Variants in ABHD8 observed in about 807,000 individuals in gnomAD.
ABHD8 encodes protein ABHD8.
In ABHD8, 10 loss-of-function variants were observed where a neutral mutation model predicts 29.3. The ratio of observed to expected loss-of-function variants is 0.34; its 90% CI spans 0.21 to 0.58. ABHD8 has a LOEUF of 0.58. Among genes scored for constraint, ABHD8 ranks in the 20% least tolerant of loss-of-function variants. The probability of loss-of-function intolerance (pLI) is 0.85; values close to 1 mark genes in which losing one functional copy is unlikely to be tolerated. For synonymous variants in ABHD8, 282 were observed against 274.6 expected (o/e 1.03, Z -0.27); for missense variants, 556 against 615.3 (o/e 0.90, Z 1.02).
At chr19:17,298,459 C>T (rs2074102763) in intron 2 of ABHD8, 1 of 152,098 alleles carries the variant, frequency 6.6e-6, no homozygotes, top group Admixed American at 6.6e-5. Flanking sequence ...CTAGAATTTA[C>T]AGGATTCCGA....
chr19:17,300,689 A>T (rs1202581563), intron 2 of ABHD8, among the ~76,000 whole-genome samples, 167 bp downstream of exon 2: 1 of 152,066 alleles, frequency 6.6e-6, no homozygotes. Context: ...CCTTGGCCAG[A>T]CTGTTCCCGA....
chr19:17,295,090 A>ATTTTTTTTT lies in ABHD8; in HGVS notation c.762-254_762-246dup, dbSNP rs779607230. 7.2e-4 allele frequency among the ~76,000 whole-genome samples: 58 copies of ATTTTTTTTT among 80,416 alleles called. 7 individuals are homozygous for ATTTTTTTTT. The highest frequency in any genetic ancestry group is 2.8e-3 in the African/African-American group (56 of 20,340). 52.8% of individuals were successfully genotyped at this position (80,416 alleles called of 152,430 possible). On this transcript the variant is annotated intron_variant, in intron 2 of 4. Coordinates refer to ENST00000247706, the MANE Select transcript of ABHD8 (RefSeq NM_024527.5). ...AGGCGCACACCACCACACCCAGGTA[A>ATTTTTTTTT]TTTTTTTTTTTTTTTTTTTTTTTTT...
intron 4 of ABHD8, among the ~76,000 whole-genome samples, chr19:17,293,263 T>A (rs55924783): frequency 0.25 from 37,505 of 151,462 alleles, 4,994 homozygotes; most frequent in Non-Finnish European, 0.3. Context: ...ACCCGGCTAA[T>A]TTTTTGTATT....
chr19:17,294,964 C>T (rs552667250), intron 2 of ABHD8, 119 bp from the exon 3 acceptor site: 1 of 1,283,716 alleles, frequency 7.8e-7, no homozygotes, highest in Non-Finnish European at 1.1e-6. Flanking sequence ...TACTCTGTCC[C>T]CCAGGCTGGA....
chr19:17,294,805 G>C lies in ABHD8; in HGVS notation c.802C>G (p.Leu268Val). The C allele has an allele frequency of 6.2e-7, 1 of 1,614,206 alleles. No individual in the cohort carries two copies. Among genetic ancestry groups the C allele is most frequent in the Non-Finnish European group, 8.5e-7 (1 of 1,180,046 alleles). Reference sequence around the variant, plus strand: ...TTGATCATGATCACCTTGTGCACTAGGTCTGGGTACTCATGTGCCAGGAAT... The same window carrying C: ...TTGATCATGATCACCTTGTGCACTACGTCTGGGTACTCATGTGCCAGGAAT... Reference protein sequence around the residue: ...CTFLAHEYPDLVHKVIMINGG... With the variant: ...CTFLAHEYPDVVHKVIMINGG... The change falls in exon 3 of 5, where the codon CTA becomes GTA. Residue 268 changes from leucine to valine, a missense_variant. Leu to Val is a conservative substitution (Grantham distance 32). Around this residue, in one of 2 missense-constraint regions of ABHD8, gnomAD observed 270 missense variants for 353.9 expected, o/e 0.76. Transcript: ENST00000247706.
chr19:17,294,576 C>T (rs1282779447), intron 3 of ABHD8, 72 bp from the exon 4 acceptor site: 2 of 1,609,256 alleles, frequency 1.2e-6, no homozygotes, highest in Non-Finnish European at 1.7e-6. Flanking sequence ...CCGATGCCAG[C>T]CCTAGTCCCA....
intron 2 of ABHD8, 120 bp from the exon 3 acceptor site, chr19:17,294,965 C>T: frequency 2.4e-6 from 3 of 1,273,724 alleles, no homozygotes; most frequent in South Asian, 1.4e-5. Context: ...ACTCTGTCCC[C>T]CAGGCTGGAA....
chr19:17,301,893 A>C (rs1330438935), intron 1 of ABHD8, among the ~76,000 whole-genome samples: 3 of 151,970 alleles, frequency 2.0e-5, no homozygotes, highest in Admixed American at 6.6e-5. Context: ...TCCTGGGTTC[A>C]AGCGATTCTC....
At chr19:17,292,860 C>T in intron 4 of ABHD8, 29 bp from the exon 5 acceptor site, 6 of 1,599,704 alleles carry the variant, frequency 3.8e-6, no homozygotes, top group Non-Finnish European at 5.1e-6. Flanking sequence ...TCAAGGTAGG[C>T]GGGGGCAAGA....
chr19:17,297,816 G>A (rs1599523823), intron 2 of ABHD8: 1 of 147,372 alleles, frequency 6.8e-6, no homozygotes. Context: ...GGTTGGTCTT[G>A]AACTCCTCAG....
intron 2 of ABHD8, among the ~76,000 whole-genome samples, chr19:17,299,389 G>A (rs1215211983): frequency 6.6e-6 from 1 of 151,754 alleles, no homozygotes; most frequent in Admixed American, 6.6e-5. Context: ...GTGAAACCCC[G>A]TCTGTACTAA....
chr19:17,298,735 C>CTT (rs34731394), intron 2 of ABHD8, among the ~76,000 whole-genome samples: 9,102 of 71,264 alleles, frequency 0.13, 450 homozygotes, highest in Non-Finnish European at 0.16. Context: ...AACAACACTG[C>CTT]TTTTTTTTTT....
Position 17,292,236 on chromosome 19 carries a change from A to T in ABHD8, c.*425T>A. 5.1e-6 allele frequency: 1 copy of T among 196,912 alleles called. No homozygotes were observed. The highest frequency in any genetic ancestry group is 1.0e-5 in the Non-Finnish European group (1 of 97,950). The allele number at this position is 196,912 out of a possible 1,614,324, so 12.2% of individuals were successfully genotyped here. On this transcript the variant is annotated 3_prime_UTR_variant, in exon 5 of 5. Coordinates refer to ENST00000247706, the MANE Select transcript of ABHD8 (RefSeq NM_024527.5). ...TGGGCAAAAATAGCTCCCAGCGCCG[A>T]GGAATGGGGGGTAGGAAGGGTCTCG...
intron 2 of ABHD8, chr19:17,296,530 T>C (rs1194285571): frequency 1.3e-5 from 2 of 152,224 alleles, no homozygotes; most frequent in African/African-American, 4.8e-5. Context: ...ATGACATATC[T>C]GTCTTCCTTA....
chr19:17,300,635 G>T (rs144903901), intron 2 of ABHD8, among the ~76,000 whole-genome samples: 1 of 152,118 alleles, frequency 6.6e-6, no homozygotes, highest in East Asian at 1.9e-4. Context: ...GTGCCACCAC[G>T]TCTGGCTAAT....
chr19:17,295,544 G>C (rs1434710111), intron 2 of ABHD8, among the ~76,000 whole-genome samples: 1 of 151,944 alleles, frequency 6.6e-6, no homozygotes, highest in Non-Finnish European at 1.5e-5. Context: ...GTAGCTGGGA[G>C]TACAGGCATG....
chr19:17,299,945 G>A (rs2074110165), intron 2 of ABHD8, among the ~76,000 whole-genome samples: 1 of 150,322 alleles, frequency 6.7e-6, no homozygotes, highest in African/African-American at 2.5e-5. Context: ...TGTCGCCCAG[G>A]CTGGAGTGCA....
At chr19:17,293,902 T>C (rs2145651072) in intron 4 of ABHD8, among the ~76,000 whole-genome samples, 1 of 152,152 alleles carries the variant, frequency 6.6e-6, no homozygotes, top group African/African-American at 2.4e-5. Flanking sequence ...CCAGACCCTT[T>C]CTAATCTGAA....
intron 2 of ABHD8, 133 bp from the exon 3 acceptor site, chr19:17,294,978 C>CA: frequency 9.0e-7 from 1 of 1,112,122 alleles, no homozygotes; most frequent in South Asian, 1.5e-5. Context: ...GGCTGGAATG[C>CA]AGTGGCTCCA....
Sources: allele counts gnomAD v4.1 joint callset (sites outside exome capture counted in the v4.1 genomes callset), GRCh38; gene constraint gnomAD v4.1.1; regional missense constraint gnomAD v4.1.1; transcripts MANE v1.5; gene names NCBI Gene and HGNC (gene_info 2026-07-23, HGNC 2026-07-21).